The following ESRRG variants were observed in gnomAD, a reference collection of about 807,000 sequenced individuals.
ESRRG encodes estrogen-related receptor gamma.
In ESRRG, 13 loss-of-function variants were observed where a neutral mutation model predicts 44.0. The observed-to-expected ratio is 0.30, with a 90% CI of 0.19 to 0.47. The LOEUF (loss-of-function observed/expected upper bound fraction) is 0.47. Among genes scored for constraint, ESRRG ranks in the 20% least tolerant of loss-of-function variants. The pLI is 1.00. For missense variants in ESRRG, 395 were observed against 580.6 expected (o/e 0.68, Z 3.29); for synonymous variants, 215 against 214.6 (o/e 1.00, Z -0.02).
chr1:216,849,151 T>C (rs1230169615), intron 2 of ESRRG, among the ~76,000 whole-genome samples: 3 of 152,156 alleles, frequency 2.0e-5, no homozygotes. Flanking sequence ...AAAAATAATC[T>C]CTAATCATTC....
chr1:217,133,543 G>A (rs1378425638), intron 1 of ESRRG, among the ~76,000 whole-genome samples: 1 of 152,258 alleles, frequency 6.6e-6, no homozygotes, highest in Non-Finnish European at 1.5e-5. Flanking sequence ...ACTCTTGAAA[G>A]TCCTGGGCTT....
chr1:216,857,504 G>A (rs999797756), intron 2 of ESRRG, among the ~76,000 whole-genome samples: 7 of 151,804 alleles, frequency 4.6e-5, no homozygotes, highest in Admixed American at 1.3e-4. Flanking sequence ...CACATAAAAC[G>A]AAATGCACCA....
chr1:216,554,450 C>T (rs554083830), intron 5 of ESRRG, among the ~76,000 whole-genome samples: 2 of 104,282 alleles, frequency 1.9e-5, no homozygotes, highest in African/African-American at 7.6e-5. Context: ...GTGACTCTGT[C>T]TCAAAAAAAA....
chr1:216,657,287 AGGGAG>A (rs2070873714), intron 2 of ESRRG, among the ~76,000 whole-genome samples: 1 of 152,184 alleles, frequency 6.6e-6, no homozygotes. Flanking sequence ...ATGTAAGTTA[AGGGAG>A]TTATTTGTTT....
intron 5 of ESRRG, among the ~76,000 whole-genome samples, chr1:216,544,739 G>A (rs1196363994): frequency 6.6e-6 from 1 of 151,468 alleles, no homozygotes; most frequent in African/African-American, 2.4e-5. Context: ...AACACTGTTT[G>A]TTTTGTTTTG....
chr1:216,600,897 C>G (rs896567314), intron 3 of ESRRG, among the ~76,000 whole-genome samples: 1 of 152,200 alleles, frequency 6.6e-6, no homozygotes, highest in Admixed American at 6.5e-5. Flanking sequence ...AGGCTGCATC[C>G]TGTTTCCCGG....
intron 2 of ESRRG, among the ~76,000 whole-genome samples, chr1:216,834,355 C>T (rs969200857): frequency 2.6e-5 from 4 of 152,050 alleles, no homozygotes; most frequent in Non-Finnish European, 2.9e-5. Context: ...GAGCTGTGAT[C>T]GCATCATTGC....
At chr1:216,724,780 G>T (rs761840997), upstream of ESRRG, among the ~76,000 whole-genome samples, 1 of 151,966 alleles carries the variant, frequency 6.6e-6, no homozygotes, top group African/African-American at 2.4e-5. Flanking sequence ...GTTTGCTTAG[G>T]TCCTATTTTA....
At chr1:217,107,293 G>A (rs2092609074) in intron 1 of ESRRG, among the ~76,000 whole-genome samples, 1 of 152,300 alleles carries the variant, frequency 6.6e-6, no homozygotes, top group Middle Eastern at 3.4e-3. Flanking sequence ...GATTCTGCAT[G>A]ATTCCAACTT....
chr1:216,829,137 C>T (rs1383233405), intron 2 of ESRRG, among the ~76,000 whole-genome samples: 2 of 152,178 alleles, frequency 1.3e-5, no homozygotes, highest in Non-Finnish European at 2.9e-5. Flanking sequence ...AATCAATTTA[C>T]AGCCAACAGC....
In ESRRG at chr1:217,061,917, C is replaced by T. The variant is rs530294656; in HGVS notation, c.-106+27590G>A. 5.3e-5 allele frequency among the ~76,000 whole-genome samples: 8 copies of T among 152,204 alleles called. No homozygotes were observed. The East Asian group carries it at 1.5e-3, about 29-fold the overall frequency. On this transcript the variant is annotated intron_variant, in intron 1 of 7. Transcript: ENST00000359162. ...AAATAAGATAAATTCAGAGTATTGT[C>T]CCAGATATAACATCTGCAAAAAACC...
At chr1:216,991,527 G>A (rs995747680) in intron 1 of ESRRG, among the ~76,000 whole-genome samples, 1 of 151,950 alleles carries the variant, frequency 6.6e-6, no homozygotes, top group African/African-American at 2.4e-5. Context: ...TCTGATGGGG[G>A]AAATAGCTAA....
chr1:216,882,473 T>C (rs532535051), intron 2 of ESRRG, among the ~76,000 whole-genome samples: 8 of 152,294 alleles, frequency 5.3e-5, no homozygotes, highest in Admixed American at 3.9e-4. Context: ...ACCTAGAATA[T>C]ACTCAACAAC....
At chr1:216,767,728 C>T (rs1206992300) in intron 2 of ESRRG, among the ~76,000 whole-genome samples, 1 of 152,066 alleles carries the variant, frequency 6.6e-6, no homozygotes, top group Non-Finnish European at 1.5e-5. Flanking sequence ...TGAATTTTCT[C>T]ATTACAGTAG....
chr1:217,116,195 G>A (rs1008861863), intron 1 of ESRRG, among the ~76,000 whole-genome samples: 2 of 152,084 alleles, frequency 1.3e-5, no homozygotes, highest in African/African-American at 4.8e-5. Flanking sequence ...TCCATTTTAT[G>A]GATATAAATA....
chr1:216,709,290 G>C (rs994848548), intron 1 of ESRRG, among the ~76,000 whole-genome samples: 2 of 151,028 alleles, frequency 1.3e-5, no homozygotes, highest in Non-Finnish European at 2.9e-5. Context: ...TCAAAGAAGA[G>C]TTATGTGTAT....
At chr1:216,591,821 G>A (rs977976410) in intron 3 of ESRRG, among the ~76,000 whole-genome samples, 5 of 152,110 alleles carry the variant, frequency 3.3e-5, no homozygotes, top group Non-Finnish European at 7.3e-5. Flanking sequence ...GAATAAAATG[G>A]GAATCCATCG....
intron 1 of ESRRG, among the ~76,000 whole-genome samples, chr1:217,130,122 T>C (rs1317073715): frequency 3.3e-5 from 5 of 152,256 alleles, no homozygotes; most frequent in Admixed American, 3.3e-4. Context: ...AGATAGCAGC[T>C]GACAAGTTGT....
intron 1 of ESRRG, among the ~76,000 whole-genome samples, chr1:216,993,663 C>A (rs1406586036): frequency 6.6e-6 from 1 of 152,084 alleles, no homozygotes; most frequent in Admixed American, 6.5e-5. Flanking sequence ...CGCAGTCTTG[C>A]CCATTTATAT....
Sources: gnomAD v4.1 joint callset for allele counts (sites outside exome capture counted in the v4.1 genomes callset) on GRCh38, gnomAD v4.1.1 for gene constraint, MANE v1.5 for transcripts, NCBI Gene and HGNC (gene_info 2026-07-23, HGNC 2026-07-21) for gene names.